Variants in ESF1 observed in about 807,000 individuals in gnomAD.
ESF1 encodes the protein ESF1 nucleolar pre-rRNA processing protein, also known as ESF1 homolog.
Under a neutral mutation model 92.0 loss-of-function variants are expected in ESF1, and 58 were observed. The ratio of observed to expected loss-of-function variants is 0.63; its 90% CI spans 0.51 to 0.78. The LOEUF is 0.78. ESF1 is among the 30% of genes least tolerant of loss of function. ESF1 has a pLI of 0.00. For synonymous variants in ESF1, 321 were observed against 313.7 expected, an observed-to-expected ratio of 1.02 and a Z score of -0.24; for missense variants, 922 against 989.1, an observed-to-expected ratio of 0.93 and a Z score of 0.91.
chr20:13,768,351 G>A (rs1979521353), intron 7 of ESF1, among the ~76,000 whole-genome samples: 1 of 152,176 alleles, frequency 6.6e-6, no homozygotes, highest in Admixed American at 6.5e-5. Flanking sequence ...GGGAGGCCAA[G>A]GCGGGTGGAT....
At chr20:13,738,716 G>C (rs2049992052) in intron 9 of ESF1, among the ~76,000 whole-genome samples, 1 of 152,108 alleles carries the variant, frequency 6.6e-6, no homozygotes, top group Non-Finnish European at 1.5e-5. Context: ...TTATTAATGG[G>C]TATCTCTCTT....
intron 8 of ESF1, among the ~76,000 whole-genome samples, chr20:13,766,003 A>G (rs1979411295): frequency 1.3e-5 from 2 of 152,242 alleles, no homozygotes; most frequent in African/African-American, 4.8e-5. Context: ...ACCAAGATTA[A>G]GACTGAATGG....
At chr20:13,722,744 T>C in intron 11 of ESF1, among the ~76,000 whole-genome samples, 1 of 151,544 alleles carries the variant, frequency 6.6e-6, no homozygotes. Context: ...CCCAGCTACT[T>C]GGGAGGCTGG....
In ESF1 at chr20:13,783,037, T is replaced by A. The variant is rs1980292485; in HGVS notation, c.104A>T (p.Asp35Val). 6.2e-7 allele frequency: 1 copy of A among 1,614,144 alleles called. No homozygotes were observed. Among genetic ancestry groups the A allele is most frequent in the East Asian group, 2.2e-5 (1 of 44,872 alleles). Residue 35 changes from aspartate to valine, a missense_variant, in exon 2 of 14, where the codon GAC becomes GTC. Physicochemically the swap from Asp to Val is radical, Grantham distance 152 (BLOSUM62 -3). Coordinates refer to ENST00000617257, the MANE Select transcript of ESF1 (RefSeq NM_001276380.2). ...MPEKDRKVKI[D>V]KRFRAMFHDK... The stretch of plus-strand genomic sequence containing the variant: ...ATGAAACATGGCTCGAAATCTCTTG[T>A]CAATTTTGACTTTTCGATCCTTTTC...
At chr20:13,776,972 T>C (rs536989658) in intron 2 of ESF1, among the ~76,000 whole-genome samples, 23 of 152,136 alleles carry the variant, frequency 1.5e-4, no homozygotes, top group Non-Finnish European at 2.5e-4. Context: ...AAAAACCATA[T>C]AGAGAGCTTG....
chr20:13,783,186 G>C lies in ESF1; in HGVS notation c.-43-3C>G. 1.9e-6 allele frequency: 3 copies of C among 1,539,996 alleles called. No homozygotes were observed. The highest frequency in any genetic ancestry group is 2.6e-6 in the Non-Finnish European group (3 of 1,141,612). ...CAAATGCTTGAAGAAAACAAATACT[G>C]AAAAATAAAACAAATGTTTTAATGG... On this transcript the variant is annotated splice_region_variant and splice_polypyrimidine_tract_variant and intron_variant, in intron 1 of 13. Coordinates refer to ENST00000617257, the MANE Select transcript of ESF1 (RefSeq NM_001276380.2).
intron 9 of ESF1, among the ~76,000 whole-genome samples, chr20:13,740,000 G>C (rs902089384): frequency 6.6e-6 from 1 of 152,084 alleles, no homozygotes; most frequent in African/African-American, 2.4e-5. Flanking sequence ...TTTGGGCTTT[G>C]GTTATGGGCA....
Position 13,717,254 on chromosome 20 carries a change from C to T in ESF1, c.2262+114G>A, listed in dbSNP as rs80256639. 980 of 1,288,276 alleles carry T rather than the reference C, an allele frequency of 7.6e-4. 13 individuals carry two copies. In the South Asian group the frequency reaches 0.011, roughly 14 times the overall value. The allele number at this position is 1,288,276 out of a possible 1,614,324, so 79.8% of individuals were successfully genotyped here. A position where few individuals can be genotyped will look rare whatever the true frequency, so the allele number is the denominator to read the frequency against. ...GGATTATAGGCGTGAGCCACTGCACCGGGCCCCTAAGACATTTTCAAGGGT... is the reference window on the plus strand; with the variant it reads ...GGATTATAGGCGTGAGCCACTGCACTGGGCCCCTAAGACATTTTCAAGGGT... On this transcript the variant is annotated intron_variant, in intron 13 of 13. Coordinates refer to ENST00000617257, the MANE Select transcript of ESF1 (RefSeq NM_001276380.2).
intron 11 of ESF1, among the ~76,000 whole-genome samples, chr20:13,723,435 C>T (rs899762934): frequency 2.8e-5 from 4 of 144,356 alleles, no homozygotes; most frequent in South Asian, 2.2e-4. Context: ...CTACCAGCTA[C>T]CACTGGAAAA....
chr20:13,733,704 A>C lies in ESF1; in HGVS notation c.1950+17T>G. 1.2e-6 allele frequency: 2 copies of C among 1,607,436 alleles called. No individual in the cohort carries two copies. Among genetic ancestry groups the C allele is most frequent in the Non-Finnish European group, 1.7e-6 (2 of 1,177,842 alleles). On this transcript the variant is annotated intron_variant, in intron 10 of 13. Coordinates refer to ENST00000617257, the MANE Select transcript of ESF1 (RefSeq NM_001276380.2). The stretch of plus-strand genomic sequence containing the variant: ...GTTGGTATTCAACAAACATTTGGTC[A>C]TAATTATCAATGATACCTTCTGTTT...
chr20:13,770,157 A>G (rs548490492), intron 6 of ESF1, 136 bp from the exon 7 acceptor site: 1 of 573,976 alleles, frequency 1.7e-6, no homozygotes, highest in East Asian at 3.0e-5. Flanking sequence ...AATGTTAGAC[A>G]TAACCTTTGT....
intron 3 of ESF1, 28 bp from the exon 4 acceptor site, chr20:13,775,298 C>T: frequency 2.3e-6 from 3 of 1,331,496 alleles, no homozygotes; most frequent in Middle Eastern, 2.2e-4. Context: ...TTAAATAGTA[C>T]ATAATCCATA....
intron 2 of ESF1, among the ~76,000 whole-genome samples, chr20:13,781,397 T>C (rs1980180793): frequency 6.6e-6 from 1 of 152,240 alleles, no homozygotes; most frequent in Admixed American, 6.5e-5. Context: ...AAAATAATTT[T>C]ACCTGTTTCA....
chr20:13,719,209 C>A (rs1406166811), intron 11 of ESF1, among the ~76,000 whole-genome samples: 1 of 152,004 alleles, frequency 6.6e-6, no homozygotes, highest in Non-Finnish European at 1.5e-5. Context: ...GGAAGAATTT[C>A]TTTCAAAGTA....
rs1980281282 is a variant in ESF1, at chr20:13,782,928, A to G, written c.213T>C (p.Phe71=). 1 of 1,614,130 alleles carries G rather than the reference A, an allele frequency of 6.2e-7. No individual in the cohort carries two copies. The highest frequency in any genetic ancestry group is 2.2e-5 in the East Asian group (1 of 44,884). Residue 71 remains phenylalanine, a synonymous_variant, in exon 2 of 14, where the codon TTT becomes TTC. Transcript: ENST00000617257. ...TGGAATCAGAATCTGAAAGGTCGTAAAAACGCTTCAAATCCTCTGTAGTGC... is the reference window on the plus strand; with the variant it reads ...TGGAATCAGAATCTGAAAGGTCGTAGAAACGCTTCAAATCCTCTGTAGTGC... ...SHSTTEDLKR[F]YDLSDSDSNL...
At chr20:13,727,696 A>T (rs1225096530) in intron 11 of ESF1, among the ~76,000 whole-genome samples, 1 of 152,158 alleles carries the variant, frequency 6.6e-6, no homozygotes, top group Admixed American at 6.6e-5. Context: ...AATGGAGGAA[A>T]GAAAGAATGA....
intron 8 of ESF1, chr20:13,762,765 TA>T: frequency 2.8e-6 from 1 of 356,662 alleles, no homozygotes; most frequent in South Asian, 2.1e-5. Flanking sequence ...TAGATTATAG[TA>T]AATTTGTAAT....
intron 11 of ESF1, among the ~76,000 whole-genome samples, chr20:13,721,109 C>T (rs1005568110): frequency 1.2e-4 from 18 of 151,856 alleles, no homozygotes; most frequent in Admixed American, 3.3e-4. Flanking sequence ...GGCAACAGAG[C>T]GAGACTCTGT....
intron 13 of ESF1, among the ~76,000 whole-genome samples, chr20:13,716,525 G>A (rs1170853792): frequency 5.3e-5 from 8 of 151,960 alleles, no homozygotes; most frequent in Admixed American, 2.6e-4. Flanking sequence ...TTCACCTGGT[G>A]CTCAACCAAA....
Sources: allele counts gnomAD v4.1 joint callset (sites outside exome capture counted in the v4.1 genomes callset), GRCh38; gene constraint gnomAD v4.1.1; transcripts MANE v1.5; gene names NCBI Gene and HGNC (gene_info 2026-07-23, HGNC 2026-07-21).